Variants in PRMT8 observed in about 807,000 individuals in gnomAD.
PRMT8 encodes protein arginine N-methyltransferase 8.
In PRMT8, 7 loss-of-function variants were observed where a neutral mutation model predicts 47.1. The observed-to-expected ratio is 0.15, with a 90% CI of 0.08 to 0.28. PRMT8 has a LOEUF of 0.28. PRMT8 is among the 10% of genes least tolerant of loss of function. The pLI is 1.00. For synonymous variants in PRMT8, 188 were observed against 186.5 expected, an observed-to-expected ratio of 1.01 and a Z score of -0.07; for missense variants, 237 against 505.4, an observed-to-expected ratio of 0.47 and a Z score of 5.09.
intron 4 of PRMT8, among the ~76,000 whole-genome samples, chr12:3,554,973 A>C (rs1866500116): frequency 6.6e-6 from 1 of 152,136 alleles, no homozygotes; most frequent in South Asian, 2.1e-4. Context: ...ACAACACTAC[A>C]AACCTGTGTC....
At chr12:3,383,498 C>T (rs540875552) in intron 1 of PRMT8, among the ~76,000 whole-genome samples, 5 of 152,150 alleles carry the variant, frequency 3.3e-5, no homozygotes, top group Admixed American at 6.5e-5. Context: ...AGAGGTGGGG[C>T]CTCTGGGAGG....
At chr12:3,446,362 C>A (rs868148820) in intron 1 of PRMT8, among the ~76,000 whole-genome samples, 64 of 152,138 alleles carry the variant, frequency 4.2e-4, no homozygotes, top group Middle Eastern at 3.4e-3. Flanking sequence ...ATCCTCTCGA[C>A]CTGCAGACTA....
intron 1 of PRMT8, among the ~76,000 whole-genome samples, chr12:3,531,322 G>T (rs1325327217): frequency 6.6e-6 from 1 of 152,182 alleles, no homozygotes; most frequent in Non-Finnish European, 1.5e-5. Context: ...AAGAGGAGGG[G>T]AATGCATAGG....
chr12:3,406,916 T>C (rs1340446141), intron 1 of PRMT8, among the ~76,000 whole-genome samples: 3 of 152,226 alleles, frequency 2.0e-5, no homozygotes, highest in Non-Finnish European at 4.4e-5. Flanking sequence ...GGTATCTTTA[T>C]AGCTGTGCCC....
chr12:3,590,396 G>T (rs139364165), intron 8 of PRMT8, among the ~76,000 whole-genome samples: 1 of 152,328 alleles, frequency 6.6e-6, no homozygotes, highest in African/African-American at 2.4e-5. Context: ...TCAAGCCCCA[G>T]TTGGCGCTGT....
chr12:3,573,421 G>A (rs1449293725), intron 6 of PRMT8, among the ~76,000 whole-genome samples: 1 of 152,054 alleles, frequency 6.6e-6, no homozygotes, highest in Admixed American at 6.5e-5. Flanking sequence ...AACATACTTA[G>A]TATAGATACT....
chr12:3,487,474 T>C (rs1349701408), upstream of PRMT8, among the ~76,000 whole-genome samples: 1 of 152,200 alleles, frequency 6.6e-6, no homozygotes, highest in Non-Finnish European at 1.5e-5. Flanking sequence ...GGTTCCAGCA[T>C]GGGCTCAGAG....
At chr12:3,589,413 G>A (rs1867252669) in intron 8 of PRMT8, among the ~76,000 whole-genome samples, 1 of 152,148 alleles carries the variant, frequency 6.6e-6, no homozygotes, top group Non-Finnish European at 1.5e-5. Context: ...TGGCAAAGTG[G>A]ACACTGGACA....
chr12:3,531,682 G>A (rs962367694), intron 1 of PRMT8, among the ~76,000 whole-genome samples: 16 of 152,178 alleles, frequency 1.1e-4, no homozygotes, highest in Admixed American at 4.6e-4. Context: ...GGCGGCCTTC[G>A]CGTCAAGCGT....
intron 1 of PRMT8, among the ~76,000 whole-genome samples, chr12:3,443,313 A>G (rs1864822691): frequency 6.6e-6 from 1 of 152,136 alleles, no homozygotes; most frequent in Admixed American, 6.5e-5. Flanking sequence ...TATGTCCAAA[A>G]ACAGAGTTCT....
At chr12:3,478,254 C>T (rs987811645) in intron 1 of PRMT8, among the ~76,000 whole-genome samples, 5 of 144,176 alleles carry the variant, frequency 3.5e-5, no homozygotes, top group African/African-American at 1.3e-4. Context: ...TCTATTGATC[C>T]ACCTATCATC....
Position 3,436,031 on chromosome 12 carries a change from A to G in PRMT8, c.48+54589A>G, listed in dbSNP as rs964889059. Among the ~76,000 whole-genome samples the G allele has an allele frequency of 6.6e-6, 1 of 151,878 alleles. No individual in the cohort carries two copies. Among genetic ancestry groups the G allele is most frequent in the Admixed American group, 6.6e-5 (1 of 15,250 alleles). On this transcript the variant is annotated intron_variant, in intron 1 of 9. Transcript: ENST00000452611. This position sits in a 1 kb window ranked among gnomAD's most constrained non-coding sequence, Gnocchi z 4.2. ...GGGTGATTTTAGCGGGCAAGGGGAG[A>G]TGGTATGTGTTCAGGATGGAGAGTT...
intron 1 of PRMT8, among the ~76,000 whole-genome samples, chr12:3,430,976 A>T (rs565857802): frequency 6.6e-6 from 1 of 152,206 alleles, no homozygotes; most frequent in Non-Finnish European, 1.5e-5. Context: ...GGGCAGTGCC[A>T]GGCAGGTGTG....
rs532020810 is a variant in PRMT8, at chr12:3,549,883, C to T, written c.262-53C>T. 2.5e-4 allele frequency: 405 copies of T among 1,597,924 alleles called. 3 individuals carry two copies. In the South Asian group the frequency reaches 4.2e-3, roughly 17 times the overall value. ...TCCAGGGGCTCATAGCCATGGTGTA[C>T]ACCCAGGTGTCTTGAATTCACTGAC... On this transcript the variant is annotated intron_variant, in intron 2 of 9. Transcript: ENST00000382622.
intron 1 of PRMT8, among the ~76,000 whole-genome samples, chr12:3,403,892 A>AAT (rs1383737975): frequency 6.7e-6 from 1 of 149,462 alleles, no homozygotes; most frequent in African/African-American, 2.4e-5. Flanking sequence ...AAAAAAAAAA[A>AAT]AAAAAAGAGA....
chr12:3,480,423 A>T (rs542985598), intron 1 of PRMT8, among the ~76,000 whole-genome samples: 1 of 152,186 alleles, frequency 6.6e-6, no homozygotes, highest in Non-Finnish European at 1.5e-5. Context: ...CTTAGAATGG[A>T]AGAGTTGAAA....
chr12:3,541,666 G>A (rs1000972512), intron 2 of PRMT8, among the ~76,000 whole-genome samples: 4 of 152,192 alleles, frequency 2.6e-5, no homozygotes, highest in African/African-American at 7.2e-5. Flanking sequence ...TTCCTTCCAC[G>A]TACTCACTGC....
intron 1 of PRMT8, among the ~76,000 whole-genome samples, chr12:3,529,849 A>G (rs61666647): frequency 0.018 from 2,707 of 152,270 alleles, 88 homozygotes; most frequent in African/African-American, 0.061. Context: ...GTTATGCTCT[A>G]TGGGCTGAAT....
chr12:3,533,596 C>T (rs1019452343), intron 1 of PRMT8, among the ~76,000 whole-genome samples: 14 of 152,222 alleles, frequency 9.2e-5, no homozygotes, highest in East Asian at 3.9e-4. Flanking sequence ...CTTCCAGCCC[C>T]GAGGGTAAGA....
Sources: allele counts gnomAD v4.1 joint callset (sites outside exome capture counted in the v4.1 genomes callset), GRCh38; gene constraint gnomAD v4.1.1; non-coding constraint Gnocchi (gnomAD v3.1); transcripts MANE v1.5; gene names NCBI Gene and HGNC (gene_info 2026-07-23, HGNC 2026-07-21).